SPAG16: variants seen among roughly 807,000 people sequenced by gnomAD.
The protein encoded by SPAG16 is sperm-associated antigen 16 protein.
Under a neutral mutation model 80.4 loss-of-function variants are expected in SPAG16, and 86 were observed. That is an observed-to-expected ratio of 1.07 (90% confidence interval 0.90 to 1.28). The LOEUF (loss-of-function observed/expected upper bound fraction) is 1.28. Among genes scored for constraint, SPAG16 ranks in the 50% most tolerant of loss-of-function variants. SPAG16 has a pLI of 0.00. For missense variants in SPAG16, 870 were observed against 765.3 expected (o/e 1.14, Z -1.61); for synonymous variants, 294 against 265.9 (o/e 1.11, Z -1.03).
At chr2:214,277,436 G>T (rs1198395876) in intron 15 of SPAG16, among the ~76,000 whole-genome samples, 2 of 152,040 alleles carry the variant, frequency 1.3e-5, no homozygotes, top group African/African-American at 4.8e-5. Context: ...TCTACCTTTG[G>T]TCTTTGATGT....
intron 5 of SPAG16, among the ~76,000 whole-genome samples, chr2:213,326,432 AT>A (rs1172817446): frequency 2.6e-5 from 4 of 152,130 alleles, no homozygotes; most frequent in Non-Finnish European, 5.9e-5. Context: ...ATAAAATTTC[AT>A]GCTTTAGTGT....
Position 213,350,653 on chromosome 2 carries a change from T to A in SPAG16, c.762+8T>A, listed in dbSNP as rs781109177. The stretch of plus-strand genomic sequence containing the variant: ...GACAAAGTAGTTGGGCAGGTAAAGA[T>A]ATAGTCAAAGCTAACTTAAAATGAT... On this transcript the variant is annotated splice_region_variant and intron_variant, in intron 7 of 15. Coordinates refer to ENST00000331683, the MANE Select transcript of SPAG16 (RefSeq NM_024532.5). 4.6e-5 allele frequency: 67 copies of A among 1,471,806 alleles called. No homozygotes were observed. Among genetic ancestry groups the A allele is most frequent in the Non-Finnish European group, 5.9e-5 (64 of 1,080,288 alleles). 91.2% of individuals were successfully genotyped at this position (1,471,806 alleles called of 1,614,324 possible).
At chr2:213,429,066 TG>T (rs1336819321) in intron 9 of SPAG16, among the ~76,000 whole-genome samples, 1 of 146,792 alleles carries the variant, frequency 6.8e-6, no homozygotes, top group Non-Finnish European at 1.5e-5. Context: ...TATGCCAGCC[TG>T]GGTGACAGTG....
intron 10 of SPAG16, among the ~76,000 whole-genome samples, chr2:213,564,160 T>C (rs1267726239): frequency 1.3e-5 from 2 of 152,138 alleles, no homozygotes; most frequent in African/African-American, 2.4e-5. Flanking sequence ...GATATTTCAA[T>C]GATTGACTGA....
intron 10 of SPAG16, among the ~76,000 whole-genome samples, chr2:213,847,862 G>C (rs1163210078): frequency 6.7e-6 from 1 of 149,872 alleles, no homozygotes; most frequent in Non-Finnish European, 1.5e-5. Flanking sequence ...ATAAACAAAT[G>C]ACACACACAC....
At chr2:213,363,017 C>T (rs2125118460) in intron 7 of SPAG16, among the ~76,000 whole-genome samples, 1 of 151,500 alleles carries the variant, frequency 6.6e-6, no homozygotes, top group African/African-American at 2.4e-5. Flanking sequence ...CTTAGGAGAC[C>T]TAAAAACTAG....
chr2:213,801,574 G>A (rs141900628), intron 10 of SPAG16, among the ~76,000 whole-genome samples: 30 of 152,332 alleles, frequency 2.0e-4, no homozygotes, highest in African/African-American at 6.5e-4. Context: ...TCCAAGCCAA[G>A]TAGACCTATG....
At chr2:213,656,584 TTA>T (rs2063232648) in intron 10 of SPAG16, among the ~76,000 whole-genome samples, 1 of 152,174 alleles carries the variant, frequency 6.6e-6, no homozygotes, top group Non-Finnish European at 1.5e-5. Flanking sequence ...TCATGTTAAT[TTA>T]TGTCATGTTC....
At chr2:214,054,637 G>A (rs1387488849) in intron 13 of SPAG16, among the ~76,000 whole-genome samples, 1 of 152,000 alleles carries the variant, frequency 6.6e-6, no homozygotes, top group Non-Finnish European at 1.5e-5. Context: ...GCTGAACATA[G>A]CATGGTTTAA....
intron 10 of SPAG16, among the ~76,000 whole-genome samples, chr2:213,753,830 G>C (rs2068196350): frequency 6.6e-6 from 1 of 152,214 alleles, no homozygotes; most frequent in Admixed American, 6.5e-5. Flanking sequence ...ATGAAGACAT[G>C]TGTGGTCTTA....
chr2:213,603,790 C>T (rs1342391830), intron 10 of SPAG16, among the ~76,000 whole-genome samples: 1 of 152,160 alleles, frequency 6.6e-6, no homozygotes, highest in African/African-American at 2.4e-5. Flanking sequence ...TCTGGCCTAC[C>T]ATTCACACTC....
intron 1 of SPAG16, among the ~76,000 whole-genome samples, chr2:213,291,574 C>T (rs1284328346): frequency 6.6e-6 from 1 of 152,110 alleles, no homozygotes; most frequent in African/African-American, 2.4e-5. Flanking sequence ...ACTTCTCTTT[C>T]CTCTGGGGGT....
chr2:213,445,809 G>A (rs1010515100), intron 9 of SPAG16, among the ~76,000 whole-genome samples: 4 of 152,152 alleles, frequency 2.6e-5, no homozygotes, highest in Non-Finnish European at 5.9e-5. Flanking sequence ...ATAAGTGCTG[G>A]CAAGGAGGCA....
At chr2:213,299,306 C>CTT (rs879661896) in intron 3 of SPAG16, among the ~76,000 whole-genome samples, 9 of 142,694 alleles carry the variant, frequency 6.3e-5, no homozygotes, top group Non-Finnish European at 6.2e-5. Flanking sequence ...TTATGATTTC[C>CTT]TTTTTTTTTT....
chr2:214,126,218 C>T (rs557807814), intron 14 of SPAG16, among the ~76,000 whole-genome samples: 8 of 151,302 alleles, frequency 5.3e-5, no homozygotes, highest in African/African-American at 1.9e-4. Context: ...ATGGATTGAG[C>T]TTCCTAGGTT....
intron 9 of SPAG16, among the ~76,000 whole-genome samples, chr2:213,417,952 C>G (rs922451679): frequency 1.3e-5 from 2 of 151,402 alleles, no homozygotes; most frequent in Non-Finnish European, 2.9e-5. Context: ...CGGCTCGCTG[C>G]AACATCTGCT....
At chr2:214,033,418 G>A (rs556677879) in intron 13 of SPAG16, among the ~76,000 whole-genome samples, 2 of 152,316 alleles carry the variant, frequency 1.3e-5, no homozygotes, top group East Asian at 3.9e-4. Flanking sequence ...TATTTTCGAA[G>A]AATTACTGTG....
At chr2:213,605,370 C>A (rs2061222630) in intron 10 of SPAG16, among the ~76,000 whole-genome samples, 1 of 151,788 alleles carries the variant, frequency 6.6e-6, no homozygotes, top group South Asian at 2.1e-4. Flanking sequence ...GGGTTCACAC[C>A]ATTCTCTGGC....
At chr2:213,472,365 C>A (rs1490070295) in intron 9 of SPAG16, among the ~76,000 whole-genome samples, 1 of 152,020 alleles carries the variant, frequency 6.6e-6, no homozygotes, top group Non-Finnish European at 1.5e-5. Flanking sequence ...GGAGTCACCA[C>A]TTGGTTAAGC....
Sources: gnomAD v4.1 joint callset for allele counts (sites outside exome capture counted in the v4.1 genomes callset) on GRCh38, gnomAD v4.1.1 for gene constraint, MANE v1.5 for transcripts, NCBI Gene and HGNC (gene_info 2026-07-23, HGNC 2026-07-21) for gene names.